DGCR8: variants seen among roughly 807,000 people sequenced by gnomAD.
DGCR8 encodes microprocessor complex subunit DGCR8.
Under a neutral mutation model 78.5 loss-of-function variants are expected in DGCR8, and 14 were observed. That is an observed-to-expected ratio of 0.18 (90% CI 0.12 to 0.28). DGCR8 has a LOEUF of 0.28. Ranked by LOEUF, DGCR8 falls within the 10% of genes least tolerant of loss-of-function variation. The pLI is 1.00. For missense variants in DGCR8, 702 were observed against 1,022.5 expected (o/e 0.69, Z 4.28); for synonymous variants, 399 against 402.4 (o/e 0.99, Z 0.10).
At chr22:20,109,321 T>C in intron 13 of DGCR8, 1 of 318,662 alleles carries the variant, frequency 3.1e-6, no homozygotes, top group Non-Finnish European at 6.1e-6. Flanking sequence ...CCTGCCAGGG[T>C]TGAATCTGTA....
At chr22:20,091,381 C>T (rs1210129883) in intron 5 of DGCR8, 54 bp from the exon 6 acceptor site, 4 of 1,591,306 alleles carry the variant, frequency 2.5e-6, no homozygotes, top group Non-Finnish European at 3.4e-6. Flanking sequence ...CTGTGAGAAC[C>T]TGACTCCTAT....
rs1259764566 is a variant in DGCR8 at position 20,085,439 on chromosome 22, T to G, written c.-277-248T>G. On this transcript the variant is annotated intron_variant, in intron 1 of 13. Transcript: ENST00000351989. The surrounding 1 kb of genome is among the most constrained non-coding windows in gnomAD (Gnocchi z 6.2). ...TTTTTTGAGCCTTATGATTATATAGTTTTTGTGTTTCTGAAGTAGGAATTA... is the reference window on the plus strand; with the variant it reads ...TTTTTTGAGCCTTATGATTATATAGGTTTTGTGTTTCTGAAGTAGGAATTA... Among the ~76,000 whole-genome samples, 23 of 152,300 alleles carry G rather than the reference T, an allele frequency of 1.5e-4. No individual in the cohort carries two copies. Among genetic ancestry groups the G allele is most frequent in the African/African-American group, 2.4e-5 (1 of 41,548 alleles).
rs1372818351 is a variant in DGCR8, at chr22:20,087,212, C to T, written c.771C>T (p.Ala257=). The T allele has an allele frequency of 1.9e-6, 3 of 1,613,732 alleles. No individual in the cohort carries two copies. In the African/African-American group the frequency reaches 4.0e-5, roughly 22 times the overall value. ...CTCTGCTGGAAGAAGGCCTTTGTGC[C>T]CCCAAAAAGAGGCGAACAGAGGAAA... ...VDALLEEGLC[A]PKKRRTEEKY... is the part of the protein sequence containing the mutation. Residue 257 remains alanine, a synonymous_variant, in exon 3 of 14, where the codon GCC becomes GCT. Transcript: ENST00000351989. The surrounding 1 kb of genome is among the most constrained non-coding windows in gnomAD (Gnocchi z 4.1).
At chr22:20,098,665 C>G (rs1203255803) in intron 9 of DGCR8, among the ~76,000 whole-genome samples, 1 of 152,142 alleles carries the variant, frequency 6.6e-6, no homozygotes, top group Non-Finnish European at 1.5e-5. Context: ...GTTCTGGAAG[C>G]CAGAAGTCCA....
intron 9 of DGCR8, among the ~76,000 whole-genome samples, chr22:20,098,851 C>A (rs1337102455): frequency 6.6e-6 from 1 of 152,190 alleles, no homozygotes; most frequent in Non-Finnish European, 1.5e-5. Flanking sequence ...AATGTGATGA[C>A]CTCTGTAAAG....
At chr22:20,080,892 T>C (rs2049410558) in intron 1 of DGCR8, among the ~76,000 whole-genome samples, 1 of 152,242 alleles carries the variant, frequency 6.6e-6, no homozygotes, top group Non-Finnish European at 1.5e-5. Flanking sequence ...CTGTCTGGTG[T>C]CAACCGATGG....
rs191600480 is a variant in DGCR8 at position 20,107,004 on chromosome 22, C to T, written c.1997-267C>T. On this transcript the variant is annotated intron_variant, in intron 11 of 13. Coordinates refer to ENST00000351989, the MANE Select transcript of DGCR8 (RefSeq NM_022720.7). The stretch of plus-strand genomic sequence containing the variant: ...GCTGCTCCCTGTTTCTGGAGGTGTG[C>T]GTCTTGGCGGGAGGGAGGCTCTCGG... 8.2e-4 allele frequency: 472 copies of T among 574,424 alleles called. 3 individuals are homozygous for T. Among genetic ancestry groups the T allele is most frequent in the Non-Finnish European group, 1.6e-4 (50 of 321,178 alleles). 35.6% of individuals were successfully genotyped at this position (574,424 alleles called of 1,614,324 possible).
intron 9 of DGCR8, among the ~76,000 whole-genome samples, chr22:20,102,577 T>C (rs1411734390): frequency 6.6e-6 from 1 of 152,228 alleles, no homozygotes; most frequent in Non-Finnish European, 1.5e-5. Flanking sequence ...GTTGCTGGGC[T>C]GTGTGGCAGG....
Position 20,087,826 on chromosome 22 carries a change from A to G in DGCR8, c.880+505A>G, listed in dbSNP as rs527248819. On this transcript the variant is annotated intron_variant, in intron 3 of 13. Coordinates refer to ENST00000351989, the MANE Select transcript of DGCR8 (RefSeq NM_022720.7). The surrounding 1 kb of genome is among the most constrained non-coding windows in gnomAD (Gnocchi z 4.1). ...TGTGCACTTCAGCTGGGCAGGGTGG[A>G]AGTGCCCTGGTCGACGTGGCACTTC... 6.6e-6 allele frequency among the ~76,000 whole-genome samples: 1 copy of G among 152,132 alleles called. No individual in the cohort carries two copies. The highest frequency in any genetic ancestry group is 1.5e-5 in the Non-Finnish European group (1 of 68,018).
rs2049527653 is a variant in DGCR8, at chr22:20,089,520, G to A, written c.881-149G>A. Reference sequence around the variant, plus strand: ...CTGTCCTAGGCCTGGAGGCATAGCAGTGAGCAAGGCAGAGAGGAATTTCGA... The same window carrying A: ...CTGTCCTAGGCCTGGAGGCATAGCAATGAGCAAGGCAGAGAGGAATTTCGA... On this transcript the variant is annotated intron_variant, in intron 3 of 13. Coordinates refer to ENST00000351989, the MANE Select transcript of DGCR8 (RefSeq NM_022720.7). The surrounding 1 kb of genome is among the most constrained non-coding windows in gnomAD (Gnocchi z 4.9). 6 of 860,010 alleles carry A rather than the reference G, an allele frequency of 7.0e-6. No homozygotes were observed. The South Asian group carries it at 8.1e-5, about 12-fold the overall frequency. 53.3% of individuals were successfully genotyped at this position (860,010 alleles called of 1,614,324 possible).
chr22:20,107,025 C>T, intron 11 of DGCR8: 1 of 580,812 alleles, frequency 1.7e-6, no homozygotes, highest in Non-Finnish European at 3.1e-6. Flanking sequence ...GAGGGAGGCT[C>T]TCGGCTGCGT....
chr22:20,088,833 C>A (rs1033124564), intron 3 of DGCR8, among the ~76,000 whole-genome samples: 1 of 151,948 alleles, frequency 6.6e-6, no homozygotes, highest in Admixed American at 6.6e-5. Flanking sequence ...CGGGGTCTTG[C>A]TGTTACCCAG....
rs2049523135 is a variant in DGCR8 at position 20,089,096 on chromosome 22, G to A, written c.881-573G>A. Reference sequence around the variant, plus strand: ...GCTCTTCCCAGCAGTCAGGCCTGGTGGCAGGTGTCAAGTTGATAAGTCGTA... The same window carrying A: ...GCTCTTCCCAGCAGTCAGGCCTGGTAGCAGGTGTCAAGTTGATAAGTCGTA... On this transcript the variant is annotated intron_variant, in intron 3 of 13. Transcript: ENST00000351989. This position sits in a 1 kb window ranked among gnomAD's most constrained non-coding sequence, Gnocchi z 4.9. 6.6e-6 allele frequency among the ~76,000 whole-genome samples: 1 copy of A among 152,218 alleles called. No individual in the cohort carries two copies. The highest frequency in any genetic ancestry group is 1.5e-5 in the Non-Finnish European group (1 of 68,032).
At chr22:20,106,081 A>G (rs762275523) in intron 9 of DGCR8, 96 bp from the exon 10 acceptor site, 18 of 926,384 alleles carry the variant, frequency 1.9e-5, no homozygotes, top group South Asian at 4.2e-5. Context: ...TCACAAGAAC[A>G]GACATTAAGC....
Position 20,080,255 on chromosome 22 carries a change from C to G in DGCR8, c.-406C>G. 4 of 974,638 alleles carry G rather than the reference C, an allele frequency of 4.1e-6. No homozygotes were observed. Among genetic ancestry groups the G allele is most frequent in the Non-Finnish European group, 4.9e-6 (4 of 822,230 alleles). 60.4% of individuals were successfully genotyped at this position (974,638 alleles called of 1,614,324 possible). A position where few individuals can be genotyped will look rare whatever the true frequency, so the allele number is the denominator to read the frequency against. ...GAAGGCCCGCCCTCCGCTCGCCCGG[C>G]GCGGCAGGCGGGTGCCGGCGACCGG... On this transcript the variant is annotated 5_prime_UTR_variant, in exon 1 of 14. Coordinates refer to ENST00000351989, the MANE Select transcript of DGCR8 (RefSeq NM_022720.7).
intron 3 of DGCR8, among the ~76,000 whole-genome samples, chr22:20,088,955 A>G (rs2049521608): frequency 6.6e-6 from 1 of 152,102 alleles, no homozygotes; most frequent in South Asian, 2.1e-4. Context: ...GATAATTTTA[A>G]AAAGTTTTTT....
rs139842996 is a variant in DGCR8 at position 20,106,670 on chromosome 22, G to A, written c.1968G>A (p.Ala656=). The change falls in exon 11 of 14, where the codon GCG becomes GCA. Residue 656 remains alanine, a synonymous_variant. Coordinates refer to ENST00000351989, the MANE Select transcript of DGCR8 (RefSeq NM_022720.7). ...GKNQKSEYVM[A]CGKHTVRGWC... Reference sequence around the variant, plus strand: ...ACCAGAAGAGTGAATACGTCATGGCGTGTGGCAAGCACACAGTGCGCGGGT... The same window carrying A: ...ACCAGAAGAGTGAATACGTCATGGCATGTGGCAAGCACACAGTGCGCGGGT... The A allele has an allele frequency of 7.8e-4, 1,264 of 1,613,796 alleles. 7 individuals are homozygous for A. The highest frequency in any genetic ancestry group is 3.2e-4 in the Admixed American group (19 of 60,006).
intron 9 of DGCR8, among the ~76,000 whole-genome samples, chr22:20,097,106 ATAAGCAATAT>A (rs1183838776): frequency 3.3e-5 from 5 of 152,134 alleles, no homozygotes; most frequent in African/African-American, 9.7e-5. Context: ...ATTTGTAGTT[ATAAGCAATAT>A]TGATCTGTAG....
At position 20,111,397 on chromosome 22, in the gene DGCR8, T is replaced by G; in HGVS notation, c.*1289T>G. ...TTTTTTTCTGTCAGGAAAACAATGTTGGCCTGTGGGCCGCCCACAACATAT... is the reference window on the plus strand; with the variant it reads ...TTTTTTTCTGTCAGGAAAACAATGTGGGCCTGTGGGCCGCCCACAACATAT... On this transcript the variant is annotated 3_prime_UTR_variant, in exon 14 of 14. Coordinates refer to ENST00000351989, the MANE Select transcript of DGCR8 (RefSeq NM_022720.7). 1 of 398,192 alleles carries G rather than the reference T, an allele frequency of 2.5e-6. No homozygotes were observed. The highest frequency in any genetic ancestry group is 4.4e-6 in the Non-Finnish European group (1 of 225,976). 24.7% of individuals were successfully genotyped at this position (398,192 alleles called of 1,614,324 possible).
Sources: gnomAD v4.1 joint callset for allele counts (sites outside exome capture counted in the v4.1 genomes callset) on GRCh38, gnomAD v4.1.1 for gene constraint, Gnocchi (gnomAD v3.1) non-coding constraint, MANE v1.5 for transcripts, NCBI Gene and HGNC (gene_info 2026-07-23, HGNC 2026-07-21) for gene names.